Variants in ACER3 observed in about 807,000 individuals in gnomAD.
ACER3 encodes alkCDase 3.
ACER3 carries 16 observed loss-of-function variants against 48.9 expected under a neutral mutation model. The observed-to-expected ratio is 0.33, with a 90% CI of 0.22 to 0.50. The LOEUF is 0.50. ACER3 is among the 20% of genes least tolerant of loss of function. The probability of loss-of-function intolerance (pLI) is 0.98; values close to 1 mark genes in which losing one functional copy is unlikely to be tolerated. For missense variants in ACER3, 227 were observed against 326.0 expected, an observed-to-expected ratio of 0.70 and a Z score of 2.34; for synonymous variants, 109 against 107.8, an observed-to-expected ratio of 1.01 and a Z score of -0.07.
intron 2 of ACER3, among the ~76,000 whole-genome samples, chr11:76,950,713 G>A (rs557910743): frequency 3.3e-5 from 5 of 151,888 alleles, no homozygotes; most frequent in African/African-American, 9.6e-5. Flanking sequence ...AGCAATCCCC[G>A]TCTTGGCCTC....
At chr11:77,000,552 A>G (rs1261681779) in intron 7 of ACER3, among the ~76,000 whole-genome samples, 1 of 152,218 alleles carries the variant, frequency 6.6e-6, no homozygotes, top group Admixed American at 6.5e-5. Flanking sequence ...TACATTTTAC[A>G]TTTAAGTCTG....
At chr11:76,867,644 T>C (rs2134505865) in intron 1 of ACER3, among the ~76,000 whole-genome samples, 1 of 152,178 alleles carries the variant, frequency 6.6e-6, no homozygotes, top group South Asian at 2.1e-4. Flanking sequence ...AAGGGTTTAT[T>C]TATCAGAAAG....
chr11:76,943,845 T>C (rs781360535), intron 2 of ACER3, among the ~76,000 whole-genome samples: 23 of 151,790 alleles, frequency 1.5e-4, no homozygotes, highest in Middle Eastern at 3.2e-3. Flanking sequence ...GTTGGGTGCA[T>C]ATATATTTAA....
At chr11:76,967,888 G>A (rs1056095957) in intron 3 of ACER3, among the ~76,000 whole-genome samples, 5 of 152,126 alleles carry the variant, frequency 3.3e-5, no homozygotes, top group Non-Finnish European at 5.9e-5. Context: ...GCACAAGACA[G>A]GGATGTCCTC....
chr11:76,965,246 G>A (rs897977693), intron 3 of ACER3, among the ~76,000 whole-genome samples: 1 of 151,110 alleles, frequency 6.6e-6, no homozygotes, highest in Admixed American at 6.6e-5. Context: ...GAAGCCAGAA[G>A]AGAAGTTTAG....
At chr11:76,902,644 A>T (rs1029917267) in intron 1 of ACER3, among the ~76,000 whole-genome samples, 1 of 152,178 alleles carries the variant, frequency 6.6e-6, no homozygotes, top group Non-Finnish European at 1.5e-5. Context: ...GTGACACTTC[A>T]TATAGGTCCT....
chr11:76,883,793 A>G (rs1473323261), intron 1 of ACER3, among the ~76,000 whole-genome samples: 2 of 152,142 alleles, frequency 1.3e-5, no homozygotes, highest in South Asian at 4.1e-4. Context: ...GATGCCAGAC[A>G]TGGTAATGGG....
intron 1 of ACER3, among the ~76,000 whole-genome samples, chr11:76,918,984 T>A (rs1237698641): frequency 5.8e-5 from 2 of 34,464 alleles, no homozygotes; most frequent in Non-Finnish European, 4.1e-4. Flanking sequence ...CAAAATGAAC[T>A]TGCATTGGGG....
intron 1 of ACER3, among the ~76,000 whole-genome samples, chr11:76,888,664 A>T (rs1410084008): frequency 1.6e-5 from 2 of 122,710 alleles, no homozygotes; most frequent in Non-Finnish European, 4.1e-5. Flanking sequence ...CACATATGGG[A>T]CTACCAAAAT....
chr11:76,994,071 A>G, intron 6 of ACER3: 2 of 431,998 alleles, frequency 4.6e-6, no homozygotes, highest in South Asian at 3.4e-5. Context: ...CAGTGACTGC[A>G]TCTGAACATT....
At chr11:76,980,482 G>A (rs558577399) in intron 4 of ACER3, among the ~76,000 whole-genome samples, 1 of 152,170 alleles carries the variant, frequency 6.6e-6, no homozygotes, top group African/African-American at 2.4e-5. Context: ...TTCAAGACCA[G>A]CCTGGGCAGT....
chr11:76,890,001 T>G (rs1250254297), intron 1 of ACER3, among the ~76,000 whole-genome samples: 2 of 152,188 alleles, frequency 1.3e-5, no homozygotes, highest in Non-Finnish European at 2.9e-5. Context: ...CTAATTCTGT[T>G]GCTTATTGTT....
chr11:76,972,658 G>T (rs1242262413), intron 3 of ACER3, among the ~76,000 whole-genome samples: 1 of 152,140 alleles, frequency 6.6e-6, no homozygotes, highest in East Asian at 1.9e-4. Context: ...TCCACTCTAT[G>T]CTGCTGTTTT....
intron 1 of ACER3, among the ~76,000 whole-genome samples, chr11:76,865,112 C>T (rs779300719): frequency 1.3e-5 from 2 of 150,052 alleles, no homozygotes; most frequent in African/African-American, 2.5e-5. Flanking sequence ...GCTGGGACTA[C>T]AGGCGTGTGC....
At position 76,883,641 on chromosome 11, in the gene ACER3, C is replaced by T. The variant is rs137909879; in HGVS notation, c.103+22562C>T. 6.3e-3 allele frequency among the ~76,000 whole-genome samples: 962 copies of T among 152,048 alleles called. 9 individuals carry two copies. Among genetic ancestry groups the T allele is most frequent in the African/African-American group, 0.022 (913 of 41,486 alleles). ...CATATTTTTAGTAGAGACGGAGTTT[C>T]GCCATGTTGGCCAGGCTGATCTCGA... On this transcript the variant is annotated intron_variant, in intron 1 of 10. Transcript: ENST00000532485.
intron 1 of ACER3, among the ~76,000 whole-genome samples, chr11:76,900,321 G>A (rs1032695706): frequency 1.3e-5 from 2 of 152,176 alleles, no homozygotes; most frequent in Non-Finnish European, 2.9e-5. Context: ...AGGTGGAGAA[G>A]GTGGAAAGGG....
At chr11:76,874,061 C>G (rs1001163576) in intron 1 of ACER3, among the ~76,000 whole-genome samples, 1 of 152,038 alleles carries the variant, frequency 6.6e-6, no homozygotes, top group Non-Finnish European at 1.5e-5. Flanking sequence ...TAAGACCCAG[C>G]AAAATGATAG....
intron 2 of ACER3, chr11:76,957,464 G>A (rs1310000307): frequency 1.1e-5 from 5 of 451,292 alleles, no homozygotes; most frequent in Non-Finnish European, 2.2e-5. Context: ...TCATTTTTGA[G>A]ATGGAGTCTC....
At chr11:76,878,837 T>G (rs1387386467) in intron 1 of ACER3, among the ~76,000 whole-genome samples, 3 of 152,090 alleles carry the variant, frequency 2.0e-5, no homozygotes, top group Non-Finnish European at 2.9e-5. Context: ...GGTGTTATCA[T>G]GCTTCTTAAT....
Sources: gnomAD v4.1 joint callset for allele counts (sites outside exome capture counted in the v4.1 genomes callset) on GRCh38, gnomAD v4.1.1 for gene constraint, MANE v1.5 for transcripts, NCBI Gene and HGNC (gene_info 2026-07-23, HGNC 2026-07-21) for gene names.